The following TRMT9B variants were observed in gnomAD, a reference collection of about 807,000 sequenced individuals.
The protein encoded by TRMT9B is tRNA methyltransferase 9B (putative).
A neutral mutation model predicts 11.5 loss-of-function variants in TRMT9B; 16 were observed. That is an observed-to-expected ratio of 1.39 (90% CI 0.94 to 2.11). TRMT9B has a LOEUF of 2.11. Ranked by LOEUF, TRMT9B falls within the 30% of genes most tolerant of loss-of-function variation. The probability of loss-of-function intolerance (pLI) is 0.00; values close to 1 mark genes in which losing one functional copy is unlikely to be tolerated. For synonymous variants in TRMT9B, 274 were observed against 192.4 expected (o/e 1.42, Z -3.51); for missense variants, 941 against 553.8 (o/e 1.70, Z -7.02).
In TRMT9B at chr8:13,025,904, T is replaced by A. The variant is rs1028282304; in HGVS notation, c.*3860T>A. 1.3e-4 allele frequency: 21 copies of A among 166,832 alleles called. No individual in the cohort carries two copies. The Admixed American group carries it at 1.4e-3, about 11-fold the overall frequency. 10.3% of individuals were successfully genotyped at this position (166,832 alleles called of 1,614,324 possible). ...TGACCATCAATTCAATAGGCAAAAA[T>A]TTGGAGTAATCCAGAGAAAAAACCA... On this transcript the variant is annotated 3_prime_UTR_variant, in exon 5 of 5. Transcript: ENST00000524591.
chr8:12,958,223 A>G (rs1328489694), intron 1 of TRMT9B, among the ~76,000 whole-genome samples: 1 of 152,150 alleles, frequency 6.6e-6, no homozygotes, highest in Non-Finnish European at 1.5e-5. Flanking sequence ...ATGCTTATCC[A>G]TTCAGCTGCA....
chr8:12,965,672 G>C (rs570294145), intron 1 of TRMT9B, among the ~76,000 whole-genome samples: 6 of 152,020 alleles, frequency 3.9e-5, no homozygotes, highest in African/African-American at 1.4e-4. Flanking sequence ...AAGTGGAGGA[G>C]CTTGTGGAGA....
At chr8:12,975,905 G>A (rs1215516202) in intron 1 of TRMT9B, among the ~76,000 whole-genome samples, 5 of 152,140 alleles carry the variant, frequency 3.3e-5, no homozygotes, top group African/African-American at 1.2e-4. Context: ...TCCATAAAGA[G>A]TAAAAGTTGG....
chr8:13,021,818 C>A lies in TRMT9B; in HGVS notation c.1139C>A (p.Ser380Tyr). The change falls in exon 5 of 5, where the codon TCT (serine) becomes TAT (tyrosine). Residue 380 changes from serine (S) to tyrosine (Y), a missense_variant. Ser to Tyr is a moderately radical substitution (Grantham distance 144). Coordinates refer to ENST00000524591, the MANE Select transcript of TRMT9B (RefSeq NM_020844.3). ...GCTAGTAAAATATTGAGAAGGATTT[C>A]TGCAGTTGATTCCACAGATTTCAAC... ...PSASKILRRI[S>Y]AVDSTDFNPD... The A allele has an allele frequency of 6.2e-7, 1 of 1,613,716 alleles. No individual in the cohort carries two copies.
intron 2 of TRMT9B, among the ~76,000 whole-genome samples, chr8:12,991,935 A>G (rs1338908589): frequency 1.3e-5 from 2 of 152,056 alleles, no homozygotes; most frequent in Non-Finnish European, 2.9e-5. Context: ...CTGTCTCAAA[A>G]ACAACAACAA....
chr8:12,985,962 A>T (rs1226304690), intron 1 of TRMT9B, among the ~76,000 whole-genome samples: 6 of 151,874 alleles, frequency 4.0e-5, no homozygotes. Flanking sequence ...CCAGGTTCAA[A>T]TGGATTCTCC....
Position 13,026,400 on chromosome 8 carries a change from T to C in TRMT9B, c.*4356T>C, listed in dbSNP as rs1266171041. ...TGTGACCCCGCTGAGGGAGTTCCTC[T>C]TGCCCTCTACCCCCGGGGCTTGTAT... On this transcript the variant is annotated 3_prime_UTR_variant, in exon 5 of 5. Transcript: ENST00000524591. The C allele has an allele frequency of 6.3e-6, 1 of 157,998 alleles. No homozygotes were observed. Among genetic ancestry groups the C allele is most frequent in the East Asian group, 2.4e-4 (1 of 4,230 alleles). The allele number at this position is 157,998 out of a possible 1,614,324, so 9.8% of individuals were successfully genotyped here. A position where few individuals can be genotyped will look rare whatever the true frequency, so the allele number is the denominator to read the frequency against.
At chr8:13,007,924 A>G (rs142621910) in intron 3 of TRMT9B, among the ~76,000 whole-genome samples, 288 of 152,360 alleles carry the variant, frequency 1.9e-3, no homozygotes, top group Admixed American at 4.2e-3. Context: ...AAATGCCTAT[A>G]TATGATACAC....
chr8:12,992,892 G>T (rs922184715), intron 2 of TRMT9B, among the ~76,000 whole-genome samples: 1 of 152,034 alleles, frequency 6.6e-6, no homozygotes, highest in Non-Finnish European at 1.5e-5. Context: ...CTAAAAATAA[G>T]TCCTGGAATG....
chr8:12,984,195 A>G (rs1332075142), intron 1 of TRMT9B, among the ~76,000 whole-genome samples: 1 of 152,240 alleles, frequency 6.6e-6, no homozygotes. Flanking sequence ...TGAAACAACC[A>G]TGAATTTTGT....
intron 1 of TRMT9B, chr8:12,952,149 C>G (rs1391514895): frequency 2.2e-6 from 1 of 453,650 alleles, no homozygotes; most frequent in African/African-American, 2.0e-5. Flanking sequence ...AGCGCTGTGA[C>G]TACTCGCAAC....
intron 1 of TRMT9B, among the ~76,000 whole-genome samples, chr8:12,975,234 T>A (rs1804259173): frequency 1.3e-5 from 2 of 151,954 alleles, no homozygotes; most frequent in Non-Finnish European, 2.9e-5. Context: ...TGAGAAGAGA[T>A]ACAAATAGAT....
chr8:12,992,939 T>C (rs1270908283), intron 2 of TRMT9B, among the ~76,000 whole-genome samples: 1 of 152,310 alleles, frequency 6.6e-6, no homozygotes. Context: ...AAATTCTTTA[T>C]GCAGGAGGAA....
chr8:12,965,535 T>A (rs1007050717), intron 1 of TRMT9B, among the ~76,000 whole-genome samples: 2 of 152,048 alleles, frequency 1.3e-5, no homozygotes, highest in African/African-American at 4.8e-5. Flanking sequence ...AACTCATTAG[T>A]CCAAAGCTGA....
At chr8:12,949,237 G>A (rs1265340252) in intron 1 of TRMT9B, among the ~76,000 whole-genome samples, 5 of 151,676 alleles carry the variant, frequency 3.3e-5, no homozygotes, top group South Asian at 2.1e-4. Flanking sequence ...TATGACTACC[G>A]AGAGTAAAAA....
chr8:13,024,506 G>C lies in TRMT9B; in HGVS notation c.*2462G>C, dbSNP rs1371571780. The C allele has an allele frequency of 1.8e-5, 3 of 167,076 alleles. No homozygotes were observed. Among genetic ancestry groups the C allele is most frequent in the Non-Finnish European group, 1.5e-5 (1 of 68,126 alleles). 10.3% of individuals were successfully genotyped at this position (167,076 alleles called of 1,614,324 possible). The stretch of plus-strand genomic sequence containing the variant: ...CTCTCTGAAGCCTATTGTCACATGG[G>C]TTTTTAATCCTGGCCTTGCTGCTAG... On this transcript the variant is annotated 3_prime_UTR_variant, in exon 5 of 5. Transcript: ENST00000524591.
At chr8:12,962,166 G>C (rs1802206071) in intron 1 of TRMT9B, 1 of 152,402 alleles carries the variant, frequency 6.6e-6, no homozygotes, top group Non-Finnish European at 1.5e-5. Context: ...CATTGAGTTG[G>C]CAGAAATGCA....
In TRMT9B at chr8:13,026,954, C is replaced by T. The variant is rs960502807; in HGVS notation, c.*4910C>T. On this transcript the variant is annotated 3_prime_UTR_variant, in exon 5 of 5. Transcript: ENST00000524591. ...GTCTCTTACATATTTTCCCTTTTATCTTTTTTTCATTTGTAAATCTGTTTC... is the reference window on the plus strand; with the variant it reads ...GTCTCTTACATATTTTCCCTTTTATTTTTTTTTCATTTGTAAATCTGTTTC... 1 of 167,016 alleles carries T rather than the reference C, an allele frequency of 6.0e-6. No homozygotes were observed. Among genetic ancestry groups the T allele is most frequent in the African/African-American group, 2.4e-5 (1 of 41,426 alleles). 10.3% of individuals were successfully genotyped at this position (167,016 alleles called of 1,614,324 possible).
chr8:12,967,853 C>A (rs1438595916), intron 1 of TRMT9B, among the ~76,000 whole-genome samples: 1 of 152,150 alleles, frequency 6.6e-6, no homozygotes, highest in African/African-American at 2.4e-5. Context: ...GCTGAAGGTC[C>A]TTATTATACA....
Sources: allele counts gnomAD v4.1 joint callset (sites outside exome capture counted in the v4.1 genomes callset), GRCh38; gene constraint gnomAD v4.1.1; transcripts MANE v1.5; gene names NCBI Gene and HGNC (gene_info 2026-07-23, HGNC 2026-07-21).